Variants in SYT1 observed in about 807,000 individuals in gnomAD.
SYT1 encodes synaptotagmin 1.
In SYT1, 8 loss-of-function variants were observed where a neutral mutation model predicts 44.8. The observed-to-expected ratio is 0.18, with a 90% CI of 0.10 to 0.32. The LOEUF is 0.32. SYT1 is among the 10% of genes least tolerant of loss of function. The probability of loss-of-function intolerance (pLI) is 1.00; values close to 1 mark genes in which losing one functional copy is unlikely to be tolerated. For missense variants in SYT1, 286 were observed against 509.3 expected (o/e 0.56, Z 4.22); for synonymous variants, 154 against 188.8 (o/e 0.82, Z 1.51).
intron 8 of SYT1, among the ~76,000 whole-genome samples, chr12:79,317,488 C>T (rs369162807): frequency 7.9e-5 from 12 of 152,304 alleles, no homozygotes; most frequent in East Asian, 5.8e-4. Context: ...CTCACTGGGG[C>T]GCCTTGCTCC....
At chr12:79,232,628 A>G (rs574109840) in intron 4 of SYT1, among the ~76,000 whole-genome samples, 1 of 152,208 alleles carries the variant, frequency 6.6e-6, no homozygotes, top group South Asian at 2.1e-4. Context: ...ATTCCTCAGC[A>G]ATTCTCCCTC....
chr12:78,900,168 T>C (rs1875583824), intron 1 of SYT1, among the ~76,000 whole-genome samples: 1 of 152,126 alleles, frequency 6.6e-6, no homozygotes. Context: ...ATAAAGTAGA[T>C]GTTTTGGATG....
At chr12:79,257,445 C>T (rs1877583088) in intron 4 of SYT1, among the ~76,000 whole-genome samples, 1 of 152,204 alleles carries the variant, frequency 6.6e-6, no homozygotes, top group Admixed American at 6.5e-5. Flanking sequence ...AACAGCATCC[C>T]ATTGTAACAT....
intron 9 of SYT1, among the ~76,000 whole-genome samples, chr12:79,417,535 T>C (rs911773224): frequency 6.6e-6 from 1 of 152,108 alleles, no homozygotes; most frequent in Non-Finnish European, 1.5e-5. Flanking sequence ...AGCAAAAATC[T>C]CATTATGCCT....
intron 9 of SYT1, among the ~76,000 whole-genome samples, chr12:79,355,265 G>C (rs1432505056): frequency 1.3e-5 from 2 of 152,096 alleles, no homozygotes; most frequent in East Asian, 3.9e-4. Flanking sequence ...GTATAGTGAG[G>C]TTATTGCTAG....
intron 3 of SYT1, among the ~76,000 whole-genome samples, chr12:79,151,036 G>A (rs538487885): frequency 2.0e-5 from 3 of 152,248 alleles, no homozygotes; most frequent in Admixed American, 6.5e-5. Flanking sequence ...TGTCAGGACC[G>A]TAAGACAATG....
At chr12:78,873,029 T>C (rs1368752688) in intron 1 of SYT1, among the ~76,000 whole-genome samples, 1 of 151,778 alleles carries the variant, frequency 6.6e-6, no homozygotes, top group East Asian at 1.9e-4. Flanking sequence ...ATTTTGCCAT[T>C]GCAATGGTAA....
intron 2 of SYT1, among the ~76,000 whole-genome samples, chr12:79,038,272 TTTAATATAATGGTA>T (rs1297773219): frequency 2.6e-5 from 4 of 151,426 alleles, no homozygotes; most frequent in African/African-American, 9.7e-5. Context: ...GCAATTTATC[TTTAATATAATGGTA>T]TTAATATAAT....
At chr12:78,906,435 A>G (rs1342689684) in intron 1 of SYT1, among the ~76,000 whole-genome samples, 1 of 152,152 alleles carries the variant, frequency 6.6e-6, no homozygotes, top group African/African-American at 2.4e-5. Context: ...ACCAACCTTC[A>G]TTTAGTTTAT....
chr12:79,444,518 A>G (rs771730239), intron 10 of SYT1, among the ~76,000 whole-genome samples: 1 of 152,206 alleles, frequency 6.6e-6, no homozygotes, highest in Non-Finnish European at 1.5e-5. Flanking sequence ...AGAGAAAACT[A>G]TGAGCTTTCA....
chr12:78,995,644 G>A (rs965958704), intron 2 of SYT1: 8 of 152,168 alleles, frequency 5.3e-5, no homozygotes, highest in Admixed American at 5.2e-4. Context: ...TTAGAATGAT[G>A]CATTGTAAGA....
chr12:79,019,692 T>G (rs931476686), intron 2 of SYT1, among the ~76,000 whole-genome samples: 54 of 151,806 alleles, frequency 3.6e-4, no homozygotes, highest in African/African-American at 1.2e-3. Context: ...CCTACAGCAT[T>G]TATTTATTTA....
chr12:79,073,523 C>T (rs1207026478), intron 3 of SYT1, among the ~76,000 whole-genome samples: 1 of 152,080 alleles, frequency 6.6e-6, no homozygotes, highest in Non-Finnish European at 1.5e-5. Flanking sequence ...AATAATGAAG[C>T]ATTTCAGCAG....
chr12:79,097,413 G>T (rs1160323079), intron 3 of SYT1, among the ~76,000 whole-genome samples: 4 of 151,968 alleles, frequency 2.6e-5, no homozygotes, highest in Non-Finnish European at 5.9e-5. Flanking sequence ...CCTCTAAGAT[G>T]CATGAGACTG....
chr12:79,313,608 AAAAAAAAAAAC>A (rs908261737), intron 8 of SYT1, among the ~76,000 whole-genome samples: 1 of 151,544 alleles, frequency 6.6e-6, no homozygotes, highest in Non-Finnish European at 1.5e-5. Context: ...AAAAGCAAAA[AAAAAAAAAAAC>A]AAAATAAAAG....
At chr12:79,157,887 C>G (rs1870698603) in intron 3 of SYT1, among the ~76,000 whole-genome samples, 1 of 152,114 alleles carries the variant, frequency 6.6e-6, no homozygotes, top group South Asian at 2.1e-4. Flanking sequence ...GGTTAAGTGA[C>G]TTACTAATTT....
intron 4 of SYT1, among the ~76,000 whole-genome samples, chr12:79,261,296 G>A (rs1018823495): frequency 6.6e-6 from 1 of 152,116 alleles, no homozygotes; most frequent in African/African-American, 2.4e-5. Flanking sequence ...CTTTCAGAAA[G>A]TATCCATTCT....
intron 7 of SYT1, 29 bp downstream of exon 7, chr12:79,296,265 T>A: frequency 6.3e-7 from 1 of 1,595,742 alleles, no homozygotes; most frequent in South Asian, 1.1e-5. Context: ...TTATAACCTT[T>A]CCTTTGTTGT....
intron 2 of SYT1, among the ~76,000 whole-genome samples, chr12:79,000,145 A>G (rs977633897): frequency 5.3e-5 from 8 of 152,160 alleles, no homozygotes; most frequent in Admixed American, 2.0e-4. Flanking sequence ...CTGCAAACAA[A>G]ATGGAAAGCA....
Sources: gnomAD v4.1 joint callset for allele counts (sites outside exome capture counted in the v4.1 genomes callset) on GRCh38, gnomAD v4.1.1 for gene constraint, MANE v1.5 for transcripts, NCBI Gene and HGNC (gene_info 2026-07-23, HGNC 2026-07-21) for gene names.